OPCML: variants seen among roughly 807,000 people sequenced by gnomAD.
OPCML encodes the protein opioid binding protein/cell adhesion molecule like.
A neutral mutation model predicts 37.8 loss-of-function variants in OPCML; 13 were observed. The observed-to-expected ratio is 0.34, with a 90% CI of 0.22 to 0.55. The LOEUF (loss-of-function observed/expected upper bound fraction) is 0.55, where lower values mean the gene tolerates loss of function less well. Ranked by LOEUF, OPCML falls within the 20% of genes least tolerant of loss-of-function variation. OPCML has a pLI of 0.91. For missense variants in OPCML, 341 were observed against 435.6 expected (o/e 0.78, Z 1.93); for synonymous variants, 176 against 168.8 (o/e 1.04, Z -0.33).
intron 2 of OPCML, among the ~76,000 whole-genome samples, chr11:132,872,823 T>G (rs1766345762): frequency 6.6e-6 from 1 of 152,064 alleles, no homozygotes; most frequent in Non-Finnish European, 1.5e-5. Context: ...TGCCTTGATT[T>G]CTTTTCCTGT....
chr11:132,474,723 T>G (rs1223499170), intron 4 of OPCML, among the ~76,000 whole-genome samples: 1 of 152,194 alleles, frequency 6.6e-6, no homozygotes, highest in Non-Finnish European at 1.5e-5. Flanking sequence ...TCCCTGTTTA[T>G]GCTCCTGTCC....
intron 4 of OPCML, among the ~76,000 whole-genome samples, chr11:132,473,955 A>G (rs1427340845): frequency 6.6e-6 from 1 of 152,182 alleles, no homozygotes; most frequent in African/African-American, 2.4e-5. Flanking sequence ...CTACAATCTA[A>G]GGCCAATTAC....
At chr11:132,592,135 T>C (rs1256276616) in intron 3 of OPCML, among the ~76,000 whole-genome samples, 2 of 152,186 alleles carry the variant, frequency 1.3e-5, no homozygotes, top group Non-Finnish European at 2.9e-5. Flanking sequence ...ACTCATCAAG[T>C]CAAAGTGAGA....
intron 1 of OPCML, among the ~76,000 whole-genome samples, chr11:133,255,132 C>A (rs955258994): frequency 6.6e-6 from 1 of 152,124 alleles, no homozygotes; most frequent in Non-Finnish European, 1.5e-5. Flanking sequence ...AACTCAACTC[C>A]CTCTGCACCT....
intron 4 of OPCML, among the ~76,000 whole-genome samples, chr11:132,490,056 T>A (rs1386942335): frequency 2.0e-5 from 3 of 152,114 alleles, no homozygotes; most frequent in Admixed American, 6.5e-5. Flanking sequence ...TTCCATGGTG[T>A]ATATGTGCCA....
chr11:133,004,979 C>T (rs188200762), intron 1 of OPCML: 3 of 985,284 alleles, frequency 3.0e-6, no homozygotes, highest in Non-Finnish European at 3.6e-6. Flanking sequence ...TCCTTCCCAC[C>T]TGGACTGCTG....
intron 1 of OPCML, among the ~76,000 whole-genome samples, chr11:132,992,974 T>C (rs905883520): frequency 2.0e-5 from 3 of 152,164 alleles, no homozygotes; most frequent in African/African-American, 4.8e-5. Context: ...TCTCCGTGTA[T>C]GGGAGGAGGG....
intron 2 of OPCML, among the ~76,000 whole-genome samples, chr11:132,818,606 GA>G (rs887919500): frequency 1.2e-5 from 1 of 85,918 alleles, no homozygotes; most frequent in Non-Finnish European, 2.6e-5. Context: ...TAGATAGATA[GA>G]TGATAGATAG....
intron 1 of OPCML, among the ~76,000 whole-genome samples, chr11:133,511,167 A>G (rs967338603): frequency 3.9e-5 from 6 of 152,142 alleles, no homozygotes; most frequent in Non-Finnish European, 8.8e-5. Context: ...TACAGCCATA[A>G]TCTTCCACTA....
intron 4 of OPCML, among the ~76,000 whole-genome samples, chr11:132,512,410 T>C (rs987533720): frequency 6.6e-6 from 1 of 152,020 alleles, no homozygotes; most frequent in African/African-American, 2.4e-5. Flanking sequence ...ACATACGTGT[T>C]TATAGCAGCT....
chr11:132,931,954 G>A (rs1342511848), intron 2 of OPCML, among the ~76,000 whole-genome samples: 1 of 152,134 alleles, frequency 6.6e-6, no homozygotes, highest in Non-Finnish European at 1.5e-5. Flanking sequence ...AAGAAATTCT[G>A]ACCCATGCTA....
chr11:132,678,155 T>C (rs1045808051), intron 2 of OPCML, among the ~76,000 whole-genome samples: 5 of 152,118 alleles, frequency 3.3e-5, no homozygotes, highest in African/African-American at 4.8e-5. Flanking sequence ...ATGCTCCACA[T>C]CATATATTAT....
intron 1 of OPCML, among the ~76,000 whole-genome samples, chr11:133,357,146 T>C (rs569865017): frequency 6.6e-6 from 1 of 152,320 alleles, no homozygotes; most frequent in East Asian, 1.9e-4. Flanking sequence ...ATAACTGTTA[T>C]GTATTCTACA....
intron 1 of OPCML, among the ~76,000 whole-genome samples, chr11:133,139,323 T>C (rs1949735094): frequency 6.6e-6 from 1 of 152,162 alleles, no homozygotes; most frequent in Admixed American, 6.5e-5. Context: ...CCAGAAACCA[T>C]TCTAAGTGTT....
chr11:132,750,010 G>A (rs1320168248), intron 2 of OPCML, among the ~76,000 whole-genome samples: 1 of 152,072 alleles, frequency 6.6e-6, no homozygotes, highest in Non-Finnish European at 1.5e-5. Context: ...AGCCTCCCGA[G>A]TAGCTGGGAT....
intron 2 of OPCML, among the ~76,000 whole-genome samples, chr11:132,855,433 G>A (rs556122122): frequency 5.5e-4 from 84 of 152,260 alleles, no homozygotes; most frequent in South Asian, 1.0e-3. Flanking sequence ...TTGGCTCACC[G>A]TGCATTAATT....
intron 2 of OPCML, among the ~76,000 whole-genome samples, chr11:132,814,019 GA>G (rs1939492206): frequency 6.6e-6 from 1 of 152,124 alleles, no homozygotes; most frequent in South Asian, 2.1e-4. Context: ...TTTTCACACT[GA>G]AATCCCAATG....
chr11:133,404,819 A>G (rs1945492059), intron 1 of OPCML, among the ~76,000 whole-genome samples: 1 of 152,368 alleles, frequency 6.6e-6, no homozygotes, highest in Admixed American at 6.5e-5. Flanking sequence ...AATAAAAACA[A>G]AGGCACAGGC....
At chr11:132,420,335 A>G (rs1360218839) in intron 7 of OPCML, 42 bp from the exon 8 acceptor site, 1 of 1,607,594 alleles carries the variant, frequency 6.2e-7, no homozygotes, top group Non-Finnish European at 8.5e-7. Context: ...GCATACACCC[A>G]AGGACACCAT....
Sources: gnomAD v4.1 joint callset for allele counts (sites outside exome capture counted in the v4.1 genomes callset) on GRCh38, gnomAD v4.1.1 for gene constraint, MANE v1.5 for transcripts, NCBI Gene and HGNC (gene_info 2026-07-23, HGNC 2026-07-21) for gene names.